The following PTH2R variants were observed in gnomAD, a reference collection of about 807,000 sequenced individuals.
The protein encoded by PTH2R is PTH2 receptor.
Under a neutral mutation model 60.3 loss-of-function variants are expected in PTH2R, and 59 were observed. That is an observed-to-expected ratio of 0.98 (90% confidence interval 0.79 to 1.22). The LOEUF is 1.22. PTH2R is among the 50% of genes most tolerant of loss of function. The probability of loss-of-function intolerance (pLI) is 0.00; values close to 1 mark genes in which losing one functional copy is unlikely to be tolerated. For synonymous variants in PTH2R, 256 were observed against 243.8 expected, an observed-to-expected ratio of 1.05 and a Z score of -0.47; for missense variants, 749 against 682.6, an observed-to-expected ratio of 1.10 and a Z score of -1.08.
chr2:208,482,836 G>T (rs889920935), intron 10 of PTH2R, among the ~76,000 whole-genome samples: 1 of 152,120 alleles, frequency 6.6e-6, no homozygotes, highest in Non-Finnish European at 1.5e-5. Context: ...CTCTCCACAA[G>T]GGTCGCTTTC....
intron 1 of PTH2R, among the ~76,000 whole-genome samples, chr2:208,377,515 T>G (rs1273079806): frequency 6.1e-5 from 9 of 147,328 alleles, no homozygotes; most frequent in Non-Finnish European, 1.2e-4. Flanking sequence ...CCCACCTCCC[T>G]CCCAGACGGG....
At chr2:208,397,569 T>C (rs1701234912) in intron 1 of PTH2R, among the ~76,000 whole-genome samples, 1 of 152,044 alleles carries the variant, frequency 6.6e-6, no homozygotes, top group Non-Finnish European at 1.5e-5. Context: ...TGTACAGAGA[T>C]AGAGGTGGGG....
chr2:208,410,566 G>T (rs914025407), intron 1 of PTH2R, among the ~76,000 whole-genome samples: 1 of 152,286 alleles, frequency 6.6e-6, no homozygotes, highest in South Asian at 2.1e-4. Flanking sequence ...GGCAATCTGG[G>T]TGTTTATAAT....
intron 1 of PTH2R, among the ~76,000 whole-genome samples, chr2:208,422,632 G>GT (rs886147298): frequency 4.6e-5 from 7 of 151,942 alleles, no homozygotes; most frequent in African/African-American, 7.3e-5. Context: ...ATATTTTGTG[G>GT]TTTTTTTAAG....
intron 1 of PTH2R, among the ~76,000 whole-genome samples, chr2:208,399,890 T>C (rs945181659): frequency 6.6e-6 from 1 of 152,202 alleles, no homozygotes; most frequent in African/African-American, 2.4e-5. Context: ...TAGAGAAAAG[T>C]TCATACCTGC....
At chr2:208,396,825 T>C (rs1701218411) in intron 1 of PTH2R, among the ~76,000 whole-genome samples, 1 of 152,184 alleles carries the variant, frequency 6.6e-6, no homozygotes, top group Non-Finnish European at 1.5e-5. Flanking sequence ...CAAAGGATTA[T>C]AAATCATGCT....
intron 10 of PTH2R, among the ~76,000 whole-genome samples, chr2:208,482,536 A>C (rs1033560566): frequency 9.9e-5 from 15 of 152,214 alleles, no homozygotes; most frequent in Non-Finnish European, 1.5e-4. Context: ...AAGAATTTAC[A>C]ATATAGTGTG....
At chr2:208,448,708 C>A (rs1559223441) in intron 7 of PTH2R, among the ~76,000 whole-genome samples, 1 of 149,714 alleles carries the variant, frequency 6.7e-6, no homozygotes, top group East Asian at 1.9e-4. Flanking sequence ...ATTAAATTTA[C>A]TTAATTTAAC....
At chr2:208,410,091 C>T (rs1383488918) in intron 1 of PTH2R, among the ~76,000 whole-genome samples, 1 of 152,106 alleles carries the variant, frequency 6.6e-6, no homozygotes, top group African/African-American at 2.4e-5. Context: ...ATGGCCAGGT[C>T]TTAGAATTCC....
rs1407183209 is a variant in PTH2R, at chr2:208,428,263, A to G, written c.138A>G (p.Val46=). The change falls in exon 2 of 13, where the codon GTA becomes GTG. Residue 46 remains valine, a synonymous_variant. Coordinates refer to ENST00000272847, the MANE Select transcript of PTH2R (RefSeq NM_005048.4). ...TTGTCCTTGTGCTGAAAGCGAAAGT[A>G]CAATGTGAACTCAACATCACAGCTC... ...EQIVLVLKAK[V]QCELNITAQL... 2 of 1,613,626 alleles carry G rather than the reference A, an allele frequency of 1.2e-6. No homozygotes were observed. The highest frequency in any genetic ancestry group is 1.7e-6 in the Non-Finnish European group (2 of 1,179,828).
intron 1 of PTH2R, among the ~76,000 whole-genome samples, chr2:208,395,474 G>T (rs560839882): frequency 1.3e-5 from 2 of 152,262 alleles, no homozygotes; most frequent in South Asian, 4.1e-4. Context: ...GCTCACCAGC[G>T]GTGTGGTAGC....
At chr2:208,370,553 G>GAGAC (rs1700680997) in intron 1 of PTH2R, among the ~76,000 whole-genome samples, 1 of 151,156 alleles carries the variant, frequency 6.6e-6, no homozygotes, top group African/African-American at 2.4e-5. Context: ...CCCACGACTG[G>GAGAC]GAGACTGGTT....
intron 1 of PTH2R, among the ~76,000 whole-genome samples, chr2:208,395,371 G>A (rs1412410427): frequency 3.3e-5 from 5 of 152,048 alleles, no homozygotes; most frequent in Non-Finnish European, 7.4e-5. Context: ...TGGTGCAAAA[G>A]GAAGCTGCGG....
intron 1 of PTH2R, among the ~76,000 whole-genome samples, chr2:208,395,971 C>A (rs947796725): frequency 1.3e-5 from 2 of 152,168 alleles, no homozygotes; most frequent in Non-Finnish European, 2.9e-5. Context: ...AGATATAGAC[C>A]AGTGGAACAG....
At chr2:208,399,061 A>G (rs1429229282) in intron 1 of PTH2R, among the ~76,000 whole-genome samples, 10 of 152,308 alleles carry the variant, frequency 6.6e-5, no homozygotes, top group East Asian at 1.9e-4. Context: ...CAGTTATGCA[A>G]TGTCTCTTCT....
At chr2:208,365,882 T>C (rs1386658405) in intron 1 of PTH2R, among the ~76,000 whole-genome samples, 1 of 134,952 alleles carries the variant, frequency 7.4e-6, no homozygotes, top group Non-Finnish European at 1.6e-5. Context: ...ACTATAAGCA[T>C]GTGCCACCAT....
At chr2:208,424,819 C>T (rs945072585) in intron 1 of PTH2R, among the ~76,000 whole-genome samples, 2 of 152,110 alleles carry the variant, frequency 1.3e-5, no homozygotes, top group African/African-American at 4.8e-5. Flanking sequence ...GAAACACTGG[C>T]CCAGCATTAT....
At chr2:208,370,431 A>C (rs1047507531) in intron 1 of PTH2R, among the ~76,000 whole-genome samples, 2 of 133,730 alleles carry the variant, frequency 1.5e-5, no homozygotes, top group African/African-American at 2.9e-5. Flanking sequence ...CGACAGAACG[A>C]GACTCCGTCT....
chr2:208,493,446 G>T lies in PTH2R; in HGVS notation c.1440G>T (p.Lys480Asn). 6.2e-7 allele frequency: 1 copy of T among 1,610,226 alleles called. No homozygotes were observed. Among genetic ancestry groups the T allele is most frequent in the Non-Finnish European group, 8.5e-7 (1 of 1,177,686 alleles). The change falls in exon 13 of 13, where the codon AAG becomes AAT. Residue 480 changes from lysine to asparagine, a missense_variant. By Grantham distance (94) the Lys-to-Asn change is moderately conservative (BLOSUM62 0). Coordinates refer to ENST00000272847, the MANE Select transcript of PTH2R (RefSeq NM_005048.4). ...TGCTTATCTCTGGCAAAGCTGCCAAGATCGCCAGCAGACAGCCTGACAGCC... is the reference window on the plus strand; with the variant it reads ...TGCTTATCTCTGGCAAAGCTGCCAATATCGCCAGCAGACAGCCTGACAGCC... ...RMVLISGKAA[K>N]IASRQPDSHI...
Sources: allele counts gnomAD v4.1 joint callset (sites outside exome capture counted in the v4.1 genomes callset), GRCh38; gene constraint gnomAD v4.1.1; transcripts MANE v1.5; gene names NCBI Gene and HGNC (gene_info 2026-07-23, HGNC 2026-07-21).